Variants in CNOT11 observed in about 807,000 individuals in gnomAD.
CNOT11 encodes the protein UPF0760 protein C2orf29.
Under a neutral mutation model 44.6 loss-of-function variants are expected in CNOT11, and 18 were observed. The observed-to-expected ratio is 0.40, with a 90% CI of 0.28 to 0.60. CNOT11 has a LOEUF of 0.60. Among genes scored for constraint, CNOT11 ranks in the 20% least tolerant of loss-of-function variants. The pLI is 0.38. For missense variants in CNOT11, 513 were observed against 677.0 expected (o/e 0.76, Z 2.69); for synonymous variants, 291 against 270.9 (o/e 1.07, Z -0.73).
At chr2:101,257,477 C>T (rs538773066) in intron 1 of CNOT11, among the ~76,000 whole-genome samples, 10 of 151,902 alleles carry the variant, frequency 6.6e-5, no homozygotes, top group South Asian at 6.3e-4. Context: ...CACTCCTGGC[C>T]GATGTTTTAA....
chr2:101,266,513 C>G (rs1681986930), intron 4 of CNOT11, among the ~76,000 whole-genome samples, 164 bp from the exon 5 acceptor site: 1 of 152,118 alleles, frequency 6.6e-6, no homozygotes, highest in African/African-American at 2.4e-5. Flanking sequence ...TTAGAAATGT[C>G]AAGACATCAT....
At position 101,253,265 on chromosome 2, in the gene CNOT11, C is replaced by T; in HGVS notation, c.301C>T (p.His101Tyr). The T allele has an allele frequency of 1.2e-6, 2 of 1,611,946 alleles. No homozygotes were observed. Among genetic ancestry groups the T allele is most frequent in the Non-Finnish European group, 8.5e-7 (1 of 1,179,614 alleles). Residue 101 changes from histidine to tyrosine, a missense_variant, in exon 1 of 7, where the codon CAC becomes TAC. Physicochemically the swap from His to Tyr is moderately conservative, Grantham distance 83. This residue lies in a region of CNOT11 where 259 missense variants were observed against 265.7 expected (regional missense o/e 0.97). Transcript: ENST00000289382. The surrounding 1 kb of genome is among the most constrained non-coding windows in gnomAD (Gnocchi z 4.3). ...CCACCACTACTTCAGCAAGGCCGAC[C>T]ACTTCCGCCTGGGCTCGGTGCTCGT... ...AFHHYFSKAD[H>Y]FRLGSVLVML...
chr2:101,266,057 GA>G (rs1275982218), intron 4 of CNOT11, among the ~76,000 whole-genome samples: 3 of 151,956 alleles, frequency 2.0e-5, no homozygotes, highest in Admixed American at 6.6e-5. Context: ...GTAGACGGGG[GA>G]AAAAAAGCAT....
chr2:101,254,026 C>A (rs908600161), intron 1 of CNOT11, among the ~76,000 whole-genome samples: 1 of 152,122 alleles, frequency 6.6e-6, no homozygotes, highest in East Asian at 1.9e-4. Flanking sequence ...ACTTACTGGA[C>A]ATTATGTAAA....
intron 2 of CNOT11, among the ~76,000 whole-genome samples, chr2:101,260,239 A>G (rs979408851): frequency 2.0e-5 from 3 of 152,214 alleles, no homozygotes; most frequent in Admixed American, 2.0e-4. Flanking sequence ...AAAACTGGAT[A>G]CAGAAGTGAT....
In CNOT11 at chr2:101,253,423, C is replaced by G; in HGVS notation, c.459C>G (p.Leu153=). The G allele has an allele frequency of 6.4e-7, 1 of 1,554,326 alleles. No individual in the cohort carries two copies. Among genetic ancestry groups the G allele is most frequent in the African/African-American group, 1.4e-5 (1 of 71,802 alleles). Residue 153 remains leucine, a synonymous_variant, in exon 1 of 7, where the codon CTC becomes CTG. Coordinates refer to ENST00000289382, the MANE Select transcript of CNOT11 (RefSeq NM_017546.5). The surrounding 1 kb of genome is among the most constrained non-coding windows in gnomAD (Gnocchi z 4.3). ...NPFAASFAHL[L]NPAPPARGGQ... ...TCGCCGCCAGCTTCGCGCACCTGCT[C>G]AACCCCGCGCCGCCCGCCCGCGGCG...
In CNOT11 at chr2:101,269,505, T is replaced by C; in HGVS notation, c.*92T>C. 1 of 1,098,032 alleles carries C rather than the reference T, an allele frequency of 9.1e-7. No individual in the cohort carries two copies. Among genetic ancestry groups the C allele is most frequent in the Non-Finnish European group, 1.3e-6 (1 of 746,746 alleles). The allele number at this position is 1,098,032 out of a possible 1,614,324, so 68.0% of individuals were successfully genotyped here. On this transcript the variant is annotated 3_prime_UTR_variant, in exon 7 of 7. Coordinates refer to ENST00000289382, the MANE Select transcript of CNOT11 (RefSeq NM_017546.5). This position sits in a 1 kb window ranked among gnomAD's most constrained non-coding sequence, Gnocchi z 4.8. ...AAAACCCTGAGTGGATTGCTTGGTTTAATGCATATAAACAGTACTTTATCT... is the reference window on the plus strand; with the variant it reads ...AAAACCCTGAGTGGATTGCTTGGTTCAATGCATATAAACAGTACTTTATCT...
Position 101,262,592 on chromosome 2 carries a change from A to G in CNOT11, c.733A>G (p.Ser245Gly), listed in dbSNP as rs184053448. ...CAAAGCGAGCTTCCCCAGTATTCTC[A>G]GTGACCCAGACCCGGATTCTTCTAA... is the stretch of plus-strand genomic sequence containing the variant. ...QSKASFPSIL[S>G]DPDPDSSNSG... The change falls in exon 3 of 7, where the codon AGT (serine) becomes GGT (glycine). Residue 245 changes from serine to glycine, a missense_variant. By Grantham distance (56) the Ser-to-Gly change is moderately conservative. Transcript: ENST00000289382. The G allele has an allele frequency of 1.2e-6, 2 of 1,614,142 alleles. No homozygotes were observed. The highest frequency in any genetic ancestry group is 2.2e-5 in the East Asian group (1 of 44,876).
intron 4 of CNOT11, 137 bp from the exon 5 acceptor site, chr2:101,266,540 A>AT (rs1318704631): frequency 1.5e-6 from 1 of 654,732 alleles, no homozygotes; most frequent in Non-Finnish European, 2.7e-6. Flanking sequence ...GAAGGAAGAA[A>AT]TTTATGAAGT....
chr2:101,253,333 G>T lies in CNOT11; in HGVS notation c.369G>T (p.Gln123His). Residue 123 changes from glutamine to histidine, a missense_variant, in exon 1 of 7, where the codon CAG (glutamine) becomes CAT (histidine). This residue lies in a region of CNOT11 where 259 missense variants were observed against 265.7 expected (regional missense o/e 0.97). Transcript: ENST00000289382. The surrounding 1 kb of genome is among the most constrained non-coding windows in gnomAD (Gnocchi z 4.3). Reference sequence around the variant, plus strand: ...CCGACCTGCTGCCTAGCGCGGCGCAGCGCCTCACGGCGCTCTACCTGCTCT... The same window carrying T: ...CCGACCTGCTGCCTAGCGCGGCGCATCGCCTCACGGCGCTCTACCTGCTCT... ...QQPDLLPSAA[Q>H]RLTALYLLWE... 6.2e-7 allele frequency: 1 copy of T among 1,604,342 alleles called. No individual in the cohort carries two copies. Among genetic ancestry groups the T allele is most frequent in the Non-Finnish European group, 8.5e-7 (1 of 1,179,030 alleles).
chr2:101,257,222 G>A (rs908250742), intron 1 of CNOT11, among the ~76,000 whole-genome samples: 1 of 151,370 alleles, frequency 6.6e-6, no homozygotes, highest in African/African-American at 2.4e-5. Context: ...GTGAAACCCC[G>A]ACTCGACTAA....
intron 2 of CNOT11, among the ~76,000 whole-genome samples, chr2:101,259,563 T>C (rs1421639781): frequency 6.6e-6 from 1 of 152,230 alleles, no homozygotes; most frequent in Non-Finnish European, 1.5e-5. Context: ...AATTGTAATA[T>C]GTAGCTGGGT....
At position 101,255,364 on chromosome 2, in the gene CNOT11, G is replaced by A. The variant is rs181798532; in HGVS notation, c.514+1886G>A. 6.7e-3 allele frequency among the ~76,000 whole-genome samples: 1,019 copies of A among 152,158 alleles called. 10 individuals carry two copies. The highest frequency in any genetic ancestry group is 0.023 in the African/African-American group (950 of 41,518). ...CAAAAAATTAGCCGGGCGCGGTGGC[G>A]GGCGCCTGTAGTCCCAGCTACTTGG... On this transcript the variant is annotated intron_variant, in intron 1 of 6. Transcript: ENST00000289382.
Position 101,253,279 on chromosome 2 carries a change from C to T in CNOT11, c.315C>T (p.Gly105=). The change falls in exon 1 of 7, where the codon GGC becomes GGT. Residue 105 remains glycine (G), a synonymous_variant. Transcript: ENST00000289382. This position sits in a 1 kb window ranked among gnomAD's most constrained non-coding sequence, Gnocchi z 4.3. ...GCAAGGCCGACCACTTCCGCCTGGGCTCGGTGCTCGTCATGCTGCTCCAGC... is the reference window on the plus strand; with the variant it reads ...GCAAGGCCGACCACTTCCGCCTGGGTTCGGTGCTCGTCATGCTGCTCCAGC... The part of the protein sequence containing the change: ...YFSKADHFRL[G]SVLVMLLQQP... 1.9e-6 allele frequency: 3 copies of T among 1,611,724 alleles called. No homozygotes were observed. The highest frequency in any genetic ancestry group is 2.5e-6 in the Non-Finnish European group (3 of 1,179,604).
At position 101,257,936 on chromosome 2, in the gene CNOT11, G is replaced by A; in HGVS notation, c.660G>A (p.Gly220=). The A allele has an allele frequency of 1.9e-6, 3 of 1,613,162 alleles. No individual in the cohort carries two copies. Among genetic ancestry groups the A allele is most frequent in the Non-Finnish European group, 2.5e-6 (3 of 1,179,508 alleles). The change falls in exon 2 of 7, where the codon GGG becomes GGA. Residue 220 remains glycine, a synonymous_variant. Coordinates refer to ENST00000289382, the MANE Select transcript of CNOT11 (RefSeq NM_017546.5). ...TGGGCCAGTCTGTGGACATTAGTGGGCTTCAGTTAGCCTTGGCCGGTAAGG... is the reference window on the plus strand; with the variant it reads ...TGGGCCAGTCTGTGGACATTAGTGGACTTCAGTTAGCCTTGGCCGGTAAGG... ...GNMGQSVDIS[G]LQLALAERQS...
Position 101,253,185 on chromosome 2 carries a change from T to A in CNOT11, c.221T>A (p.Ile74Asn), listed in dbSNP as rs1478200260. The change falls in exon 1 of 7, where the codon ATC becomes AAC. Residue 74 changes from isoleucine (I) to asparagine (N), a missense_variant. Transcript: ENST00000289382. This position sits in a 1 kb window ranked among gnomAD's most constrained non-coding sequence, Gnocchi z 4.3. ...AAGGAGCTCTCGAGCCTGCTGAGCA[T>A]CATATCGGAGGAGGCGGGCGGCGGC... Reference protein sequence around the residue: ...TPKELSSLLSIISEEAGGGST... With the variant: ...TPKELSSLLSNISEEAGGGST... 6.2e-7 allele frequency: 1 copy of A among 1,603,714 alleles called. No homozygotes were observed. Among genetic ancestry groups the A allele is most frequent in the Admixed American group, 1.7e-5 (1 of 59,304 alleles).
chr2:101,254,009 A>T (rs1331785620), intron 1 of CNOT11, among the ~76,000 whole-genome samples: 1 of 152,182 alleles, frequency 6.6e-6, no homozygotes, highest in Non-Finnish European at 1.5e-5. Context: ...GCGTTTGGAA[A>T]CACATGACTT....
rs1682051724 is a variant in CNOT11, at chr2:101,268,907, T to G, written c.1239-133T>G. 4 of 608,340 alleles carry G rather than the reference T, an allele frequency of 6.6e-6. No homozygotes were observed. In the South Asian group the frequency reaches 9.0e-5, roughly 14 times the overall value. 37.7% of individuals were successfully genotyped at this position (608,340 alleles called of 1,614,324 possible). A position where few individuals can be genotyped will look rare whatever the true frequency, so the allele number is the denominator to read the frequency against. On this transcript the variant is annotated intron_variant, in intron 5 of 6. Coordinates refer to ENST00000289382, the MANE Select transcript of CNOT11 (RefSeq NM_017546.5). Reference sequence around the variant, plus strand: ...TCTTAGGTTAATTTGCCCAAGTATATTTAAAACTAGGGAATTGGATATGTC... The same window carrying G: ...TCTTAGGTTAATTTGCCCAAGTATAGTTAAAACTAGGGAATTGGATATGTC...
intron 2 of CNOT11, among the ~76,000 whole-genome samples, chr2:101,260,694 A>C (rs528252881): frequency 3.9e-5 from 6 of 152,222 alleles, no homozygotes; most frequent in African/African-American, 1.4e-4. Flanking sequence ...CAAGTTAAAC[A>C]TAAGTGACTA....
Sources: allele counts gnomAD v4.1 joint callset (sites outside exome capture counted in the v4.1 genomes callset), GRCh38; gene constraint gnomAD v4.1.1; regional missense constraint gnomAD v4.1.1; non-coding constraint Gnocchi (gnomAD v3.1); transcripts MANE v1.5; gene names NCBI Gene and HGNC (gene_info 2026-07-23, HGNC 2026-07-21).